BAG4: variants seen among roughly 807,000 people sequenced by gnomAD.
The protein encoded by BAG4 is BAG cochaperone 4.
A neutral mutation model predicts 52.1 loss-of-function variants in BAG4; 28 were observed. That is an observed-to-expected ratio of 0.54 (90% CI 0.40 to 0.74). The LOEUF (loss-of-function observed/expected upper bound fraction) is 0.74, where lower values mean the gene tolerates loss of function less well. Ranked by LOEUF, BAG4 falls within the 30% of genes least tolerant of loss-of-function variation. BAG4 has a pLI of 0.00. For missense variants in BAG4, 525 were observed against 572.0 expected (o/e 0.92, Z 0.84); for synonymous variants, 208 against 217.0 (o/e 0.96, Z 0.37).
chr8:38,197,637 AT>A (rs1452920945), intron 2 of BAG4, among the ~76,000 whole-genome samples: 13 of 152,162 alleles, frequency 8.5e-5, no homozygotes, highest in Admixed American at 8.5e-4. Flanking sequence ...TTTACCATAA[AT>A]TTGTATAACA....
At chr8:38,201,275 G>A (rs972881181) in intron 2 of BAG4, among the ~76,000 whole-genome samples, 2 of 152,098 alleles carry the variant, frequency 1.3e-5, no homozygotes, top group South Asian at 4.1e-4. Context: ...ATTTTCTGGC[G>A]AAACATCACA....
At chr8:38,187,426 C>T (rs546978536) in intron 1 of BAG4, among the ~76,000 whole-genome samples, 1 of 152,146 alleles carries the variant, frequency 6.6e-6, no homozygotes, top group Non-Finnish European at 1.5e-5. Context: ...AGAAAAAAGA[C>T]TGATGTGTTG....
At chr8:38,182,016 G>T (rs1266704377) in intron 1 of BAG4, among the ~76,000 whole-genome samples, 1 of 151,770 alleles carries the variant, frequency 6.6e-6, no homozygotes, top group Non-Finnish European at 1.5e-5. Flanking sequence ...ACAGCTATTG[G>T]TCTCCTTTCG....
At chr8:38,180,522 C>CAAAAAAAAAAAAAAAAAAAA (rs1161178024) in intron 1 of BAG4, among the ~76,000 whole-genome samples, 15 of 26,498 alleles carry the variant, frequency 5.7e-4, no homozygotes, top group East Asian at 1.1e-3. Flanking sequence ...GACTCCGTCT[C>CAAAAAAAAAAAAAAAAAAAA]AAAAAAAAAA....
intron 1 of BAG4, among the ~76,000 whole-genome samples, chr8:38,187,270 AAAG>A (rs780655392): frequency 2.0e-4 from 31 of 152,214 alleles, no homozygotes; most frequent in Non-Finnish European, 2.4e-4. Flanking sequence ...ATATATTAAA[AAAG>A]AAACAAATAG....
At position 38,210,219 on chromosome 8, in the gene BAG4, A is replaced by T. The variant is rs770657655; in HGVS notation, c.1100A>T (p.Glu367Val). The T allele has an allele frequency of 1.9e-6, 3 of 1,614,084 alleles. No homozygotes were observed. Among genetic ancestry groups the T allele is most frequent in the Non-Finnish European group, 2.5e-6 (3 of 1,180,050 alleles). The change falls in exon 5 of 5, where the codon GAA (glutamate) becomes GTA (valine). Residue 367 changes from glutamate to valine, a missense_variant. Coordinates refer to ENST00000287322, the MANE Select transcript of BAG4 (RefSeq NM_004874.4). ...CAAGATCAAAGTAGCAGTCTTCCTG[A>T]AGAATGTGTACCTTCAGATGAAAGT... is the stretch of plus-strand genomic sequence containing the variant. ...NNQDQSSSLP[E>V]ECVPSDESTP...
At chr8:38,199,478 A>G (rs951933835) in intron 2 of BAG4, among the ~76,000 whole-genome samples, 1 of 151,398 alleles carries the variant, frequency 6.6e-6, no homozygotes, top group African/African-American at 2.4e-5. Flanking sequence ...GTCTTATCCA[A>G]GAAGACTTTG....
chr8:38,207,115 G>C (rs1274572037), intron 2 of BAG4, among the ~76,000 whole-genome samples: 1 of 151,968 alleles, frequency 6.6e-6, no homozygotes, highest in Non-Finnish European at 1.5e-5. Context: ...ACCATGCCCG[G>C]TTAATTTTTG....
intron 1 of BAG4, among the ~76,000 whole-genome samples, chr8:38,190,831 C>T (rs1443758468): frequency 1.3e-5 from 2 of 150,658 alleles, no homozygotes; most frequent in Admixed American, 6.7e-5. Context: ...GATCTCTGCT[C>T]ACTGCAACTT....
At chr8:38,177,464 G>A (rs1162616708) in intron 1 of BAG4, among the ~76,000 whole-genome samples, 1 of 152,248 alleles carries the variant, frequency 6.6e-6, no homozygotes, top group African/African-American at 2.4e-5. Flanking sequence ...TACTGCTCCA[G>A]CTCTAGCAAT....
chr8:38,196,075 A>G (rs193189710), intron 2 of BAG4, among the ~76,000 whole-genome samples: 4 of 152,170 alleles, frequency 2.6e-5, no homozygotes, highest in Non-Finnish European at 4.4e-5. Flanking sequence ...GGATATACCA[A>G]ATTTCATCAA....
At position 38,210,084 on chromosome 8, in the gene BAG4, A is replaced by C. The variant is rs1337874330; in HGVS notation, c.965A>C (p.Glu322Ala). The C allele has an allele frequency of 1.9e-6, 3 of 1,614,100 alleles. No homozygotes were observed. The African/African-American group carries it at 4.0e-5, about 22-fold the overall frequency. ...HNFPCSVHQY[E>A]SSGTVNNDDS... is the part of the protein sequence containing the mutation. ...TTTCCTTGCAGTGTCCATCAGTACGAATCCTCGGGGACAGTGAACAATGAT... is the reference window on the plus strand; with the variant it reads ...TTTCCTTGCAGTGTCCATCAGTACGCATCCTCGGGGACAGTGAACAATGAT... Residue 322 changes from glutamate (E) to alanine (A), a missense_variant, in exon 5 of 5, where the codon GAA (glutamate) becomes GCA (alanine). Transcript: ENST00000287322.
At chr8:38,201,866 A>T (rs1563284080) in intron 2 of BAG4, 103 of 7,986 alleles carry the variant, frequency 0.013, 3 homozygotes, top group Non-Finnish European at 0.021. Context: ...ATATATATAT[A>T]TATATATATA....
intron 2 of BAG4, chr8:38,201,880 A>ATTTTTTTTT (rs869085692): frequency 1.3e-4 from 1 of 7,556 alleles, no homozygotes; most frequent in African/African-American, 5.0e-4. Flanking sequence ...ATATATATAT[A>ATTTTTTTTT]TTTTTTTTTT....
At position 38,203,494 on chromosome 8, in the gene BAG4, A is replaced by G. The variant is rs568796238; in HGVS notation, c.379-4018A>G. On this transcript the variant is annotated intron_variant, in intron 2 of 4. Coordinates refer to ENST00000287322, the MANE Select transcript of BAG4 (RefSeq NM_004874.4). ...GAGACAGGGTTTCACCGTGTTAGCCAGGATGGTCTCGATCTCCTGACCTCG... is the reference window on the plus strand; with the variant it reads ...GAGACAGGGTTTCACCGTGTTAGCCGGGATGGTCTCGATCTCCTGACCTCG... Among the ~76,000 whole-genome samples the G allele has an allele frequency of 4.6e-5, 7 of 152,192 alleles. No individual in the cohort carries two copies. In the South Asian group the frequency reaches 1.2e-3, roughly 27 times the overall value.
intron 1 of BAG4, among the ~76,000 whole-genome samples, chr8:38,182,942 T>G (rs1392934875): frequency 6.6e-6 from 1 of 152,054 alleles, no homozygotes; most frequent in Non-Finnish European, 1.5e-5. Flanking sequence ...TTCACTGTCT[T>G]TAGGGTATAG....
intron 2 of BAG4, among the ~76,000 whole-genome samples, chr8:38,205,202 A>ATTTTTTTTTTTTTTTT (rs35284937): frequency 1.3e-5 from 1 of 79,240 alleles, no homozygotes; most frequent in Non-Finnish European, 2.3e-5. Flanking sequence ...CAGCTAATTA[A>ATTTTTTTTTTTTTTTT]TTTTTTTTTT....
In BAG4 at chr8:38,210,690, A is replaced by C; in HGVS notation, c.*197A>C. On this transcript the variant is annotated 3_prime_UTR_variant, in exon 5 of 5. Coordinates refer to ENST00000287322, the MANE Select transcript of BAG4 (RefSeq NM_004874.4). ...TGAGTTGTTTTCAGTTTTCAGACGA[A>C]TGAATGTAATAGGAAACTATGGAGT... is the stretch of plus-strand genomic sequence containing the variant. The C allele has an allele frequency of 3.0e-6, 2 of 660,574 alleles. No individual in the cohort carries two copies. The highest frequency in any genetic ancestry group is 2.8e-5 in the South Asian group (1 of 36,060). 40.9% of individuals were successfully genotyped at this position (660,574 alleles called of 1,614,324 possible).
intron 2 of BAG4, 68 bp downstream of exon 2, chr8:38,192,863 C>A: frequency 8.1e-7 from 1 of 1,241,468 alleles, no homozygotes; most frequent in South Asian, 1.4e-5. Context: ...AAAACCTGTG[C>A]AGATTTTAGA....
Sources: gnomAD v4.1 joint callset for allele counts (sites outside exome capture counted in the v4.1 genomes callset) on GRCh38, gnomAD v4.1.1 for gene constraint, MANE v1.5 for transcripts, NCBI Gene and HGNC (gene_info 2026-07-23, HGNC 2026-07-21) for gene names.